Variants in JAK1 observed in about 807,000 individuals in gnomAD.
JAK1 encodes Janus kinase 1.
A neutral mutation model predicts 136.6 loss-of-function variants in JAK1; 16 were observed. The ratio of observed to expected loss-of-function variants is 0.12; its 90% CI spans 0.08 to 0.18. JAK1 has a LOEUF of 0.18. Among genes scored for constraint, JAK1 ranks in the 10% least tolerant of loss-of-function variants. The pLI is 1.00. For synonymous variants in JAK1, 492 were observed against 519.5 expected (o/e 0.95, Z 0.72); for missense variants, 859 against 1,450.1 (o/e 0.59, Z 6.62).
chr1:64,854,614 C>G (rs1320927894), intron 11 of JAK1, among the ~76,000 whole-genome samples: 1 of 152,102 alleles, frequency 6.6e-6, no homozygotes, highest in South Asian at 2.1e-4. Context: ...TTCTAAGAGA[C>G]AAATCCACCT....
chr1:65,067,135 A>G (rs150613722), intron 1 of JAK1, among the ~76,000 whole-genome samples: 15,383 of 151,604 alleles, frequency 0.1, 910 homozygotes, highest in Admixed American at 0.21. Context: ...CGGAGTGCGG[A>G]GGCCCGGCCC....
At chr1:64,978,221 T>C (rs1646513854) in intron 2 of JAK1, among the ~76,000 whole-genome samples, 2 of 151,570 alleles carry the variant, frequency 1.3e-5, no homozygotes, top group Non-Finnish European at 2.9e-5. Flanking sequence ...CACGTTGCAG[T>C]GAGCCGAGAT....
chr1:64,881,539 T>G (rs1257973685), intron 3 of JAK1, among the ~76,000 whole-genome samples: 1 of 152,182 alleles, frequency 6.6e-6, no homozygotes, highest in Non-Finnish European at 1.5e-5. Context: ...AAACATCACT[T>G]TCTGTAGTAA....
At chr1:64,846,080 G>A (rs1436940991) in intron 14 of JAK1, among the ~76,000 whole-genome samples, 2 of 152,188 alleles carry the variant, frequency 1.3e-5, no homozygotes, top group East Asian at 3.9e-4. Context: ...AGCTCACATT[G>A]TTGGATTCCA....
At chr1:64,842,895 A>G (rs1557624718) in intron 17 of JAK1, among the ~76,000 whole-genome samples, 1 of 151,978 alleles carries the variant, frequency 6.6e-6, no homozygotes, top group South Asian at 2.1e-4. Context: ...TAAAGGTTCT[A>G]CCTCTTCAAT....
At chr1:64,843,986 G>C (rs1196380466) in intron 17 of JAK1, 78 bp downstream of exon 17, 1 of 1,543,000 alleles carries the variant, frequency 6.5e-7, no homozygotes, top group Admixed American at 1.7e-5. Flanking sequence ...ACAGTGCCAG[G>C]CTTCCGACAA....
chr1:64,838,177 A>C (rs763587840), intron 21 of JAK1, 73 bp from the exon 22 acceptor site: 53 of 1,398,592 alleles, frequency 3.8e-5, no homozygotes, highest in Non-Finnish European at 5.1e-5. Context: ...ACTTCATCAG[A>C]AAAAATAGAA....
intron 8 of JAK1, among the ~76,000 whole-genome samples, chr1:64,864,383 C>T (rs577221947): frequency 1.8e-4 from 28 of 152,242 alleles, no homozygotes; most frequent in Non-Finnish European, 3.8e-4. Context: ...CCACTGTGGC[C>T]GAGGCTCGCC....
intron 2 of JAK1, among the ~76,000 whole-genome samples, chr1:64,978,674 C>T (rs10465848): frequency 0.051 from 7,765 of 152,146 alleles, 729 homozygotes; most frequent in African/African-American, 0.18. Context: ...TCAGATTGCT[C>T]TGGGCTGACT....
At chr1:65,024,632 G>C (rs484937) in intron 2 of JAK1, among the ~76,000 whole-genome samples, 32,024 of 142,848 alleles carry the variant, frequency 0.22, 4,663 homozygotes, top group East Asian at 0.38. Flanking sequence ...GGAGGTAGTT[G>C]TGGCTTCAAG....
At chr1:65,064,734 A>T (rs149639686) in intron 1 of JAK1, among the ~76,000 whole-genome samples, 33 of 152,342 alleles carry the variant, frequency 2.2e-4, no homozygotes, top group African/African-American at 7.7e-4. Flanking sequence ...ACATACTCAC[A>T]GCAGCTGTCA....
At chr1:65,006,027 C>T (rs552446158) in intron 2 of JAK1, among the ~76,000 whole-genome samples, 1 of 152,290 alleles carries the variant, frequency 6.6e-6, no homozygotes, top group East Asian at 1.9e-4. Flanking sequence ...GTTTCACTAA[C>T]CTTGATGTCT....
intron 1 of JAK1, among the ~76,000 whole-genome samples, chr1:64,896,660 T>A (rs1182624921): frequency 1.3e-5 from 2 of 152,200 alleles, no homozygotes; most frequent in African/African-American, 4.8e-5. Context: ...AAAAGATATA[T>A]CGCCAAAGAA....
intron 1 of JAK1, among the ~76,000 whole-genome samples, chr1:65,048,505 C>T (rs1012615909): frequency 6.6e-5 from 10 of 152,170 alleles, no homozygotes; most frequent in African/African-American, 1.7e-4. Flanking sequence ...TGAGAACACA[C>T]GAGGAAAACA....
Position 64,855,670 on chromosome 1 carries a change from T to C in JAK1, c.1487A>G (p.Lys496Arg). Residue 496 changes from lysine to arginine, a missense_variant, in exon 11 of 25, where the codon AAG becomes AGG. Around this residue, in one of 4 missense-constraint regions of JAK1, gnomAD observed 409 missense variants for 753.8 expected, o/e 0.54. Coordinates refer to ENST00000342505, the MANE Select transcript of JAK1 (RefSeq NM_002227.4). Reference sequence around the variant, plus strand: ...CTTCTGCACCTCGATCTGAAAGTTCTTGAACTGCTTCTGGGCACCCTGCAC... The same window carrying C: ...CTTCTGCACCTCGATCTGAAAGTTCCTGAACTGCTTCTGGGCACCCTGCAC... ...EQVQGAQKQF[K>R]NFQIEVQKGR... The C allele has an allele frequency of 6.2e-7, 1 of 1,613,812 alleles. No individual in the cohort carries two copies. The highest frequency in any genetic ancestry group is 2.2e-5 in the East Asian group (1 of 44,876).
intron 1 of JAK1, among the ~76,000 whole-genome samples, chr1:64,930,590 CA>C (rs1645672824): frequency 1.3e-5 from 2 of 152,160 alleles, no homozygotes; most frequent in Admixed American, 1.3e-4. Flanking sequence ...GACAGTGTGG[CA>C]ATTCCTCAAG....
At position 65,060,269 on chromosome 1, in the gene JAK1, G is replaced by A. The variant is rs532372465; in HGVS notation, c.-181+7335C>T. 2.6e-5 allele frequency among the ~76,000 whole-genome samples: 4 copies of A among 152,212 alleles called. No homozygotes were observed. The South Asian group carries it at 8.3e-4, about 32-fold the overall frequency. On this transcript the variant is annotated intron_variant, in intron 1 of 25. Coordinates refer to the JAK1 transcript ENST00000671954. ...TTTTAGAGTAAAATTTTAGATAGCTGTTCCACGAAAAAGGATAAGATTATC... is the reference window on the plus strand; with the variant it reads ...TTTTAGAGTAAAATTTTAGATAGCTATTCCACGAAAAAGGATAAGATTATC...
chr1:65,048,376 C>A (rs1647208803), intron 1 of JAK1, among the ~76,000 whole-genome samples: 1 of 152,158 alleles, frequency 6.6e-6, no homozygotes, highest in African/African-American at 2.4e-5. Flanking sequence ...TCCAAACAAG[C>A]TCATCTGCAT....
In JAK1 at chr1:65,003,053, G is replaced by T. The variant is rs565803170; in HGVS notation, c.-78+41427C>A. Reference sequence around the variant, plus strand: ...TTTTTTTAAGAAAAGCATTGGCACCGCAGCAGCCTCCCCCGCTTCTTCCCT... The same window carrying T: ...TTTTTTTAAGAAAAGCATTGGCACCTCAGCAGCCTCCCCCGCTTCTTCCCT... On this transcript the variant is annotated intron_variant, in intron 2 of 25. Transcript: ENST00000671954. Among the ~76,000 whole-genome samples, 4 of 123,632 alleles carry T rather than the reference G, an allele frequency of 3.2e-5. No individual in the cohort carries two copies. The East Asian group carries it at 9.6e-4, about 30-fold the overall frequency. The allele number at this position is 123,632 out of a possible 152,430, so 81.1% of individuals were successfully genotyped here.
Sources: allele counts gnomAD v4.1 joint callset (sites outside exome capture counted in the v4.1 genomes callset), GRCh38; gene constraint gnomAD v4.1.1; regional missense constraint gnomAD v4.1.1; transcripts MANE v1.5; gene names NCBI Gene and HGNC (gene_info 2026-07-23, HGNC 2026-07-21).